CFAP299: variants seen among roughly 807,000 people sequenced by gnomAD.
CFAP299 encodes the protein cilia- and flagella-associated protein 299.
CFAP299 carries 21 observed loss-of-function variants against 27.0 expected under a neutral mutation model. That is an observed-to-expected ratio of 0.78 (90% confidence interval 0.55 to 1.12). CFAP299 has a LOEUF of 1.12. Among genes scored for constraint, CFAP299 ranks in the 50% most tolerant of loss-of-function variants. CFAP299 has a pLI of 0.00. For missense variants in CFAP299, 310 were observed against 276.6 expected (o/e 1.12, Z -0.86); for synonymous variants, 104 against 98.1 (o/e 1.06, Z -0.36).
chr4:80,535,100 A>C (rs1733660765), intron 2 of CFAP299, among the ~76,000 whole-genome samples: 1 of 152,138 alleles, frequency 6.6e-6, no homozygotes, highest in Non-Finnish European at 1.5e-5. Flanking sequence ...TATTCCATTA[A>C]GAAGAATCAT....
intron 4 of CFAP299, among the ~76,000 whole-genome samples, chr4:80,923,301 G>A (rs1482447349): frequency 1.3e-5 from 2 of 152,032 alleles, no homozygotes; most frequent in East Asian, 3.9e-4. Flanking sequence ...CACACCCTGT[G>A]AACCTCTCAC....
intron 2 of CFAP299, among the ~76,000 whole-genome samples, chr4:80,530,030 T>C (rs941742574): frequency 1.3e-4 from 20 of 152,172 alleles, no homozygotes; most frequent in Admixed American, 5.2e-4. Context: ...AATTAACACA[T>C]TGAATTATTT....
chr4:80,401,508 C>T (rs1382315776), intron 2 of CFAP299, among the ~76,000 whole-genome samples: 1 of 152,198 alleles, frequency 6.6e-6, no homozygotes, highest in Non-Finnish European at 1.5e-5. Flanking sequence ...TGGCAGCTTC[C>T]ACATGGTGTT....
intron 2 of CFAP299, chr4:80,387,271 G>A (rs547679899): frequency 6.8e-6 from 11 of 1,611,012 alleles, no homozygotes; most frequent in South Asian, 1.1e-5. Flanking sequence ...GCTCCTCCTG[G>A]TGGCTCTTGA....
chr4:80,881,559 G>A (rs1352600100), intron 4 of CFAP299, among the ~76,000 whole-genome samples: 1 of 138,784 alleles, frequency 7.2e-6, no homozygotes, highest in Non-Finnish European at 1.7e-5. Context: ...TTGTTGAGTT[G>A]GCCTCTATCT....
intron 3 of CFAP299, among the ~76,000 whole-genome samples, chr4:80,660,561 C>T (rs1740792172): frequency 6.6e-6 from 1 of 152,062 alleles, no homozygotes; most frequent in South Asian, 2.1e-4. Flanking sequence ...TTTGCTTTAA[C>T]AAAACAAAAC....
intron 3 of CFAP299, among the ~76,000 whole-genome samples, chr4:80,642,753 AT>A (rs571089945): frequency 1.2e-3 from 184 of 152,304 alleles, no homozygotes; most frequent in African/African-American, 4.3e-3. Flanking sequence ...ACAGAGCCAG[AT>A]TCCGTCTCAA....
At chr4:80,652,306 A>G (rs991344266) in intron 3 of CFAP299, among the ~76,000 whole-genome samples, 1 of 152,138 alleles carries the variant, frequency 6.6e-6, no homozygotes, top group Non-Finnish European at 1.5e-5. Flanking sequence ...ATTTTTATGA[A>G]CAATATTTTA....
At chr4:80,383,378 TCA>T (rs1201744106) in intron 2 of CFAP299, among the ~76,000 whole-genome samples, 2 of 152,066 alleles carry the variant, frequency 1.3e-5, no homozygotes, top group African/African-American at 4.8e-5. Flanking sequence ...AATATTGACG[TCA>T]CATAATTCAG....
At chr4:80,719,237 T>G (rs1722678295) in intron 3 of CFAP299, among the ~76,000 whole-genome samples, 1 of 152,094 alleles carries the variant, frequency 6.6e-6, no homozygotes, top group African/African-American at 2.4e-5. Flanking sequence ...AAAACCCCCA[T>G]GACATGAGTT....
At chr4:80,557,275 T>C (rs1734825864) in intron 2 of CFAP299, among the ~76,000 whole-genome samples, 1 of 152,082 alleles carries the variant, frequency 6.6e-6, no homozygotes, top group Non-Finnish European at 1.5e-5. Context: ...CCTAGAAGAA[T>C]TGGATAGTTT....
chr4:80,882,881 A>G lies in CFAP299; in HGVS notation c.476+12746A>G, dbSNP rs993323744. On this transcript the variant is annotated intron_variant, in intron 4 of 5. Coordinates refer to ENST00000358105, the MANE Select transcript of CFAP299 (RefSeq NM_152770.3). Reference sequence around the variant, plus strand: ...AAAACAAAAATTGAGAGAGCTCATTACAAGACCTGCCTTATTAGAAATGCT... The same window carrying G: ...AAAACAAAAATTGAGAGAGCTCATTGCAAGACCTGCCTTATTAGAAATGCT... Among the ~76,000 whole-genome samples, 4 of 152,294 alleles carry G rather than the reference A, an allele frequency of 2.6e-5. No homozygotes were observed. The East Asian group carries it at 7.7e-4, about 29-fold the overall frequency.
intron 2 of CFAP299, among the ~76,000 whole-genome samples, chr4:80,418,528 T>C (rs1004556353): frequency 6.6e-6 from 1 of 151,958 alleles, no homozygotes; most frequent in African/African-American, 2.4e-5. Flanking sequence ...GTTATTGAAA[T>C]GTACAGAACT....
At chr4:80,503,360 T>C (rs1731833402) in intron 2 of CFAP299, among the ~76,000 whole-genome samples, 1 of 152,130 alleles carries the variant, frequency 6.6e-6, no homozygotes, top group African/African-American at 2.4e-5. Context: ...TCCTCTATTT[T>C]TTTACTGGTG....
At chr4:80,737,860 C>T (rs1250772818) in intron 3 of CFAP299, among the ~76,000 whole-genome samples, 4 of 152,120 alleles carry the variant, frequency 2.6e-5, no homozygotes, top group African/African-American at 9.7e-5. Context: ...AAAGTAGACA[C>T]TTATAGCTAT....
At chr4:80,770,330 A>G (rs1726138827) in intron 3 of CFAP299, among the ~76,000 whole-genome samples, 3 of 152,152 alleles carry the variant, frequency 2.0e-5, no homozygotes, top group Admixed American at 2.0e-4. Flanking sequence ...TAATCTCTTG[A>G]AATAGCCTAA....
At chr4:80,860,795 G>C (rs563989974) in intron 3 of CFAP299, among the ~76,000 whole-genome samples, 2 of 152,154 alleles carry the variant, frequency 1.3e-5, no homozygotes, top group African/African-American at 4.8e-5. Context: ...GTACCTGGCC[G>C]TGTGAGGTGT....
intron 2 of CFAP299, among the ~76,000 whole-genome samples, chr4:80,537,168 C>A (rs935536163): frequency 1.3e-5 from 2 of 152,030 alleles, no homozygotes; most frequent in African/African-American, 4.8e-5. Flanking sequence ...TGTAGAATGG[C>A]TGTTTTTGAA....
chr4:80,765,615 T>C (rs1352930655), intron 3 of CFAP299, among the ~76,000 whole-genome samples: 1 of 152,016 alleles, frequency 6.6e-6, no homozygotes, highest in African/African-American at 2.4e-5. Context: ...AAATAAATTT[T>C]TTTATTTTTT....
Sources: allele counts gnomAD v4.1 joint callset (sites outside exome capture counted in the v4.1 genomes callset), GRCh38; gene constraint gnomAD v4.1.1; transcripts MANE v1.5; gene names NCBI Gene and HGNC (gene_info 2026-07-23, HGNC 2026-07-21).